Variants in FANCB observed in about 807,000 individuals in gnomAD.
The protein encoded by FANCB is Fanconi anemia group B protein.
FANCB carries 5 observed loss-of-function variants against 38.9 expected under a neutral mutation model. The observed-to-expected ratio is 0.13, with a 90% CI of 0.07 to 0.27. The LOEUF (loss-of-function observed/expected upper bound fraction) is 0.27. Among genes scored for constraint, FANCB ranks in the 10% least tolerant of loss-of-function variants. FANCB has a pLI of 1.00. For missense variants in FANCB, 573 were observed against 602.7 expected, an observed-to-expected ratio of 0.95 and a Z score of 0.52; for synonymous variants, 236 against 215.4, an observed-to-expected ratio of 1.10 and a Z score of -0.84.
At position 14,850,514 on chromosome X, in the gene FANCB, G is replaced by A. The variant is rs993307430; in HGVS notation, c.1487C>T (p.Ser496Phe). 1.7e-6 allele frequency: 2 copies of A among 1,200,475 alleles called. No individual in the cohort carries two copies. The highest frequency in any genetic ancestry group is 1.8e-5 in the South Asian group (1 of 56,748). Reference sequence around the variant, plus strand: ...GTTGGAATTTACTTACAGCTTCAAAGAAGATGTAGTTTTCACTCCAACAAC... The same window carrying A: ...GTTGGAATTTACTTACAGCTTCAAAAAAGATGTAGTTTTCACTCCAACAAC... ...SLVVGVKTTS[S>F]LKLSLNDVTL... The change falls in exon 7 of 10, where the codon TCT becomes TTT. Residue 496 changes from serine (S) to phenylalanine (F), a missense_variant. Coordinates refer to ENST00000650831, the MANE Select transcript of FANCB (RefSeq NM_001018113.3).
the FANCB span, among the ~76,000 whole-genome samples, chrX:14,738,988 A>G: frequency 3.6e-5 from 4 of 112,404 alleles, no homozygotes; most frequent in Non-Finnish European, 7.5e-5. Context: ...AAATCTATTC[A>G]GAATTTTTTT....
At chrX:14,813,923 C>G in the FANCB span, among the ~76,000 whole-genome samples, 1 of 111,857 alleles carries the variant, frequency 8.9e-6, no homozygotes, top group Non-Finnish European at 1.9e-5. Context: ...TGACTTCAAA[C>G]TATACCACAA....
chrX:14,700,296 G>C, the FANCB span, among the ~76,000 whole-genome samples: 1 of 110,696 alleles, frequency 9.0e-6, no homozygotes, highest in African/African-American at 3.3e-5. Context: ...GGAGGAGAAA[G>C]GTTGAGAAAG....
the FANCB span, among the ~76,000 whole-genome samples, chrX:14,797,861 T>C: frequency 4.5e-5 from 5 of 111,084 alleles, no homozygotes; most frequent in Non-Finnish European, 7.5e-5. Flanking sequence ...CTACCACCCC[T>C]AGCCTTTTTG....
chrX:14,751,214 C>T, the FANCB span, among the ~76,000 whole-genome samples: 1 of 112,128 alleles, frequency 8.9e-6, no homozygotes, highest in Non-Finnish European at 1.9e-5. Context: ...CAGCACTGTT[C>T]AAATAGCTAA....
the FANCB span, among the ~76,000 whole-genome samples, chrX:14,757,144 A>C: frequency 8.9e-6 from 1 of 112,345 alleles, no homozygotes; most frequent in Non-Finnish European, 1.9e-5. Flanking sequence ...AGCCATTATG[A>C]AAAACAGTAT....
At chrX:14,698,799 G>A in the FANCB span, among the ~76,000 whole-genome samples, 1 of 109,414 alleles carries the variant, frequency 9.1e-6, no homozygotes, top group Admixed American at 9.8e-5. Context: ...ATTTTAGAAG[G>A]TATAACAAAA....
chrX:14,852,885 TAA>T (rs2092407523), intron 6 of FANCB, among the ~76,000 whole-genome samples, 152 bp downstream of exon 6: 2 of 112,214 alleles, frequency 1.8e-5, no homozygotes, highest in African/African-American at 6.5e-5. Context: ...TTCAATGTCA[TAA>T]AAGTCCACCA....
chrX:14,857,464 A>G (rs1439947864), intron 5 of FANCB, among the ~76,000 whole-genome samples: 1 of 111,723 alleles, frequency 9.0e-6, no homozygotes, highest in African/African-American at 3.3e-5. Context: ...GAAAAAAAAT[A>G]AAAACTCTTT....
At chrX:14,729,262 T>A in the FANCB span, among the ~76,000 whole-genome samples, 2 of 111,711 alleles carry the variant, frequency 1.8e-5, no homozygotes, top group Admixed American at 9.5e-5. Flanking sequence ...TTGCATGTTA[T>A]TGTGGAAGGC....
the FANCB span, among the ~76,000 whole-genome samples, chrX:14,812,030 A>C: frequency 8.9e-6 from 1 of 111,815 alleles, no homozygotes; most frequent in Non-Finnish European, 1.9e-5. Context: ...CCGCTCAACT[A>C]CATGGAAACT....
chrX:14,759,208 G>C, the FANCB span, among the ~76,000 whole-genome samples: 2 of 111,718 alleles, frequency 1.8e-5, no homozygotes, highest in African/African-American at 6.5e-5. Context: ...AAGTCTCCAA[G>C]AAGTTTAGGA....
the FANCB span, among the ~76,000 whole-genome samples, chrX:14,820,835 G>T: frequency 1.8e-5 from 2 of 111,182 alleles, no homozygotes; most frequent in Non-Finnish European, 3.8e-5. Context: ...AAAGCTGGGG[G>T]GATGGTATAC....
the FANCB span, among the ~76,000 whole-genome samples, chrX:14,755,346 A>G: frequency 8.9e-6 from 1 of 112,035 alleles, no homozygotes; most frequent in South Asian, 3.7e-4. Context: ...GGAGGCCATC[A>G]GCTTGTCTCT....
At chrX:14,761,058 A>C in the FANCB span, among the ~76,000 whole-genome samples, 1 of 112,641 alleles carries the variant, frequency 8.9e-6, no homozygotes, top group African/African-American at 3.2e-5. Flanking sequence ...TTTTACCTCA[A>C]CAAAAAAATA....
chrX:14,775,167 T>G, the FANCB span, among the ~76,000 whole-genome samples: 11 of 71,877 alleles, frequency 1.5e-4, no homozygotes, highest in African/African-American at 1.1e-3. Context: ...AATGTTTTTT[T>G]TTTTTTTTTT....
chrX:14,814,528 T>C, the FANCB span, among the ~76,000 whole-genome samples: 3 of 112,056 alleles, frequency 2.7e-5, no homozygotes, highest in Non-Finnish European at 3.8e-5. Flanking sequence ...ACAGACACTT[T>C]TCAAAAGAAG....
chrX:14,805,598 CCCATTAGGGATGACCCAGCTCTGCCTCAG>C, the FANCB span, among the ~76,000 whole-genome samples: 1 of 111,910 alleles, frequency 8.9e-6, no homozygotes, highest in Non-Finnish European at 1.9e-5. Flanking sequence ...AACTCTCAAA[CCCATTAGGGATGACCCAGCTCTGCCTCAG>C]CACAGGCATT....
chrX:14,840,325 A>T (rs1013313589), downstream of FANCB, among the ~76,000 whole-genome samples: 14 of 112,034 alleles, frequency 1.2e-4, 1 homozygote, highest in East Asian at 3.4e-3. Context: ...AGGGCCACCT[A>T]CTTCCAGCCT....
Sources: allele counts gnomAD v4.1 joint callset (sites outside exome capture counted in the v4.1 genomes callset), GRCh38; gene constraint gnomAD v4.1.1; transcripts MANE v1.5; gene names NCBI Gene and HGNC (gene_info 2026-07-23, HGNC 2026-07-21).